The following CSMD1 variants were observed in gnomAD, a reference collection of about 807,000 sequenced individuals.
CSMD1 encodes the protein CUB and sushi domain-containing protein 1.
A neutral mutation model predicts 417.5 loss-of-function variants in CSMD1; 213 were observed. The ratio of observed to expected loss-of-function variants is 0.51; its 90% CI spans 0.46 to 0.57. The LOEUF is 0.57. Among genes scored for constraint, CSMD1 ranks in the 20% least tolerant of loss-of-function variants. CSMD1 has a pLI of 0.00. For missense variants in CSMD1, 6,923 were observed against 4,529.7 expected, an observed-to-expected ratio of 1.53 and a Z score of -15.17; for synonymous variants, 2,862 against 1,736.8, an observed-to-expected ratio of 1.65 and a Z score of -16.11.
At chr8:3,243,774 T>C (rs556116229) in intron 26 of CSMD1, among the ~76,000 whole-genome samples, 1 of 150,534 alleles carries the variant, frequency 6.6e-6, no homozygotes. Context: ...ACAATATCAT[T>C]TATATATAAT....
At chr8:3,320,633 A>T (rs965501143) in intron 23 of CSMD1, among the ~76,000 whole-genome samples, 5 of 152,162 alleles carry the variant, frequency 3.3e-5, no homozygotes, top group African/African-American at 1.2e-4. Flanking sequence ...TGACAGCCTC[A>T]ACTAGACCAC....
chr8:4,130,015 G>C (rs1443254455), intron 3 of CSMD1, among the ~76,000 whole-genome samples: 1 of 151,912 alleles, frequency 6.6e-6, no homozygotes, highest in South Asian at 2.1e-4. Flanking sequence ...TGCCTTTCTT[G>C]TCAGAAGATT....
intron 2 of CSMD1, among the ~76,000 whole-genome samples, chr8:4,569,416 C>G (rs575445210): frequency 7.6e-4 from 115 of 152,246 alleles, no homozygotes; most frequent in African/African-American, 2.6e-3. Context: ...TTCCCCATTG[C>G]TTGTTTTTGT....
At chr8:2,983,080 T>C (rs1293293051) in intron 54 of CSMD1, among the ~76,000 whole-genome samples, 1 of 152,188 alleles carries the variant, frequency 6.6e-6, no homozygotes, top group Non-Finnish European at 1.5e-5. Flanking sequence ...CTTCAACTGT[T>C]TTTTAATTAG....
intron 2 of CSMD1, among the ~76,000 whole-genome samples, chr8:4,446,301 T>A (rs1798784783): frequency 6.6e-6 from 1 of 152,118 alleles, no homozygotes; most frequent in Admixed American, 6.5e-5. Context: ...TAATCCTGCT[T>A]CTTTGGGAGC....
chr8:3,570,011 A>C (rs995322), intron 10 of CSMD1, among the ~76,000 whole-genome samples: 15 of 152,256 alleles, frequency 9.9e-5, no homozygotes, highest in Admixed American at 2.0e-4. Context: ...CAATGTCTGC[A>C]TAAGTGTACA....
At chr8:4,380,840 A>C (rs1803056903) in intron 3 of CSMD1, among the ~76,000 whole-genome samples, 5 of 152,186 alleles carry the variant, frequency 3.3e-5, no homozygotes, top group Admixed American at 3.3e-4. Flanking sequence ...TTCTGTGTTT[A>C]ATATCTCATT....
At chr8:3,615,926 G>C (rs552453020) in intron 8 of CSMD1, among the ~76,000 whole-genome samples, 3 of 152,088 alleles carry the variant, frequency 2.0e-5, no homozygotes, top group South Asian at 2.1e-4. Flanking sequence ...TAAAGTAATA[G>C]GACTATTATA....
intron 4 of CSMD1, among the ~76,000 whole-genome samples, chr8:4,030,206 GC>G (rs1797269942): frequency 6.9e-6 from 1 of 145,578 alleles, no homozygotes; most frequent in Non-Finnish European, 1.5e-5. Context: ...CTCAACTAGG[GC>G]GGTGCCCCAG....
At chr8:4,019,298 A>T (rs1410224686) in intron 4 of CSMD1, among the ~76,000 whole-genome samples, 6 of 152,158 alleles carry the variant, frequency 3.9e-5, no homozygotes, top group Non-Finnish European at 7.3e-5. Flanking sequence ...AGAGCTTATC[A>T]CAGGCTTGGA....
intron 5 of CSMD1, among the ~76,000 whole-genome samples, chr8:3,894,450 T>C (rs1807214434): frequency 6.6e-6 from 1 of 152,154 alleles, no homozygotes; most frequent in African/African-American, 2.4e-5. Context: ...TAAAAGAAAA[T>C]AATCTTGAAT....
At chr8:4,957,304 A>G (rs1294210131) in intron 1 of CSMD1, among the ~76,000 whole-genome samples, 1 of 152,196 alleles carries the variant, frequency 6.6e-6, no homozygotes. Flanking sequence ...CAAAGCCCCT[A>G]ATATTTTTTT....
At chr8:4,587,798 G>T (rs1799780376) in intron 2 of CSMD1, among the ~76,000 whole-genome samples, 1 of 152,030 alleles carries the variant, frequency 6.6e-6, no homozygotes, top group Non-Finnish European at 1.5e-5. Flanking sequence ...TGAACTTGTG[G>T]GTACCATTTT....
intron 2 of CSMD1, among the ~76,000 whole-genome samples, chr8:4,630,524 T>A (rs10503266): frequency 1.3e-5 from 2 of 152,074 alleles, no homozygotes; most frequent in African/African-American, 2.4e-5. Context: ...TAACCAGTAA[T>A]GATTGAGCTT....
Position 3,875,227 on chromosome 8 carries a change from G to A in CSMD1, c.819-121185C>T, listed in dbSNP as rs117112438. Among the ~76,000 whole-genome samples the A allele has an allele frequency of 5.4e-3, 826 of 152,252 alleles. 5 individuals are homozygous for A. The highest frequency in any genetic ancestry group is 9.6e-3 in the Non-Finnish European group (650 of 68,028). On this transcript the variant is annotated intron_variant, in intron 5 of 69. Coordinates refer to ENST00000635120, the MANE Select transcript of CSMD1 (RefSeq NM_033225.6). ...AGGCCATTCGGGAGCCACCACAATG[G>A]TCCTCATGATTTGAATTGAGACCAT...
chr8:3,345,440 C>G lies in CSMD1; in HGVS notation c.3475-1990G>C, dbSNP rs185943427. On this transcript the variant is annotated intron_variant, in intron 22 of 69. Transcript: ENST00000635120. Reference sequence around the variant, plus strand: ...TCGTTGATGAACATGGAACACTCCCCTGTCAGTTCTCTAAAGTTAAAATCT... The same window carrying G: ...TCGTTGATGAACATGGAACACTCCCGTGTCAGTTCTCTAAAGTTAAAATCT... Among the ~76,000 whole-genome samples, 217 of 152,166 alleles carry G rather than the reference C, an allele frequency of 1.4e-3. 2 individuals carry two copies. Among genetic ancestry groups the G allele is most frequent in the Non-Finnish European group, 2.6e-3 (178 of 68,002 alleles).
chr8:4,408,959 G>C (rs1430550094), intron 3 of CSMD1, among the ~76,000 whole-genome samples: 1 of 152,188 alleles, frequency 6.6e-6, no homozygotes, highest in Non-Finnish European at 1.5e-5. Flanking sequence ...TTCAAATTCA[G>C]AAAGGGAAAT....
intron 10 of CSMD1, among the ~76,000 whole-genome samples, chr8:3,529,494 C>T (rs1797889361): frequency 6.6e-6 from 1 of 152,166 alleles, no homozygotes; most frequent in African/African-American, 2.4e-5. Context: ...GATTATGTGA[C>T]TCTGGCTCTA....
intron 1 of CSMD1, among the ~76,000 whole-genome samples, chr8:4,650,347 GAAAAA>G (rs61642390): frequency 2.2e-4 from 17 of 78,266 alleles, no homozygotes; most frequent in Non-Finnish European, 3.6e-4. Context: ...TCCGTCTCAA[GAAAAA>G]AAAAAAAAAA....
Sources: allele counts gnomAD v4.1 joint callset (sites outside exome capture counted in the v4.1 genomes callset), GRCh38; gene constraint gnomAD v4.1.1; transcripts MANE v1.5; gene names NCBI Gene and HGNC (gene_info 2026-07-23, HGNC 2026-07-21).